Variants in EXOC4 observed in about 807,000 individuals in gnomAD.
The protein encoded by EXOC4 is exocyst complex component 4.
EXOC4 carries 71 observed loss-of-function variants against 107.2 expected under a neutral mutation model. That is an observed-to-expected ratio of 0.66 (90% CI 0.55 to 0.81). The LOEUF (loss-of-function observed/expected upper bound fraction) is 0.81, where lower values mean the gene tolerates loss of function less well. Among genes scored for constraint, EXOC4 ranks in the 30% least tolerant of loss-of-function variants. The pLI, the probability that EXOC4 is intolerant of heterozygous loss-of-function variation, is 0.00. For synonymous variants in EXOC4, 456 were observed against 441.2 expected (o/e 1.03, Z -0.42); for missense variants, 1,108 against 1,189.6 (o/e 0.93, Z 1.01).
intron 9 of EXOC4, among the ~76,000 whole-genome samples, chr7:133,489,230 A>G (rs1471456939): frequency 6.6e-6 from 1 of 151,978 alleles, no homozygotes; most frequent in Non-Finnish European, 1.5e-5. Context: ...TGGGGATTCA[A>G]AGATCCTAGT....
chr7:133,369,867 C>T (rs1446573357), intron 6 of EXOC4, among the ~76,000 whole-genome samples: 7 of 63,290 alleles, frequency 1.1e-4, no homozygotes, highest in Admixed American at 1.6e-4. Context: ...AGTGCAATGG[C>T]GCAATTTGGC....
chr7:133,350,210 T>G (rs1795876804), intron 5 of EXOC4, among the ~76,000 whole-genome samples: 1 of 152,082 alleles, frequency 6.6e-6, no homozygotes, highest in Non-Finnish European at 1.5e-5. Flanking sequence ...CTTTTATTGC[T>G]TGTGTTTTTG....
chr7:133,903,821 T>C (rs1799508136), intron 12 of EXOC4, among the ~76,000 whole-genome samples: 1 of 152,194 alleles, frequency 6.6e-6, no homozygotes, highest in Non-Finnish European at 1.5e-5. Flanking sequence ...CATGGACTTT[T>C]ATGAAGTTTG....
chr7:133,333,659 A>G (rs1489040475), intron 5 of EXOC4, among the ~76,000 whole-genome samples: 1 of 152,218 alleles, frequency 6.6e-6, no homozygotes, highest in Non-Finnish European at 1.5e-5. Flanking sequence ...GTATTTCTAC[A>G]TAGATCTGTA....
chr7:134,048,540 C>T (rs1028462035), intron 17 of EXOC4, among the ~76,000 whole-genome samples: 2 of 152,178 alleles, frequency 1.3e-5, no homozygotes, highest in Non-Finnish European at 2.9e-5. Context: ...CAGTTTCAGT[C>T]CCCCTCCCTC....
At chr7:134,029,466 T>C (rs919848087) in intron 17 of EXOC4, among the ~76,000 whole-genome samples, 10 of 152,020 alleles carry the variant, frequency 6.6e-5, no homozygotes, top group African/African-American at 2.4e-4. Context: ...CTAAAGGATA[T>C]AGGGTTTCTT....
chr7:133,538,046 A>G (rs1047161742), intron 9 of EXOC4, among the ~76,000 whole-genome samples: 1 of 152,060 alleles, frequency 6.6e-6, no homozygotes, highest in Non-Finnish European at 1.5e-5. Flanking sequence ...CCATAAGAGT[A>G]TTTTTATTTT....
chr7:133,868,558 T>G (rs1449855596), intron 11 of EXOC4, among the ~76,000 whole-genome samples: 2 of 152,200 alleles, frequency 1.3e-5, no homozygotes, highest in Non-Finnish European at 2.9e-5. Flanking sequence ...TGACTACTTC[T>G]TAAATAGACT....
At chr7:133,769,288 T>C (rs764806488) in intron 10 of EXOC4, among the ~76,000 whole-genome samples, 6 of 151,918 alleles carry the variant, frequency 3.9e-5, no homozygotes, top group Non-Finnish European at 5.9e-5. Context: ...TTGTTTTTTT[T>C]TTAAGTGTTG....
rs1280453970 is a variant in EXOC4, at chr7:133,872,861, A to G, written c.1735-22738A>G. On this transcript the variant is annotated intron_variant, in intron 11 of 17. Transcript: ENST00000253861. ...TTATATTTTAAGAAATGCATACTTAATAGCCTAAAGATAAAATCATGATAA... is the reference window on the plus strand; with the variant it reads ...TTATATTTTAAGAAATGCATACTTAGTAGCCTAAAGATAAAATCATGATAA... Among the ~76,000 whole-genome samples, 4 of 152,376 alleles carry G rather than the reference A, an allele frequency of 2.6e-5. No homozygotes were observed. In the East Asian group the frequency reaches 7.7e-4, roughly 29 times the overall value.
chr7:133,383,688 T>C (rs529460120), intron 7 of EXOC4, among the ~76,000 whole-genome samples: 1 of 152,318 alleles, frequency 6.6e-6, no homozygotes, highest in East Asian at 1.9e-4. Flanking sequence ...TCTTAGGTTC[T>C]GTCGACTTTG....
At chr7:133,537,301 C>CCA (rs1563100530) in intron 9 of EXOC4, among the ~76,000 whole-genome samples, 1 of 148,772 alleles carries the variant, frequency 6.7e-6, no homozygotes, top group Non-Finnish European at 1.5e-5. Context: ...CAGGCACCCC[C>CCA]CCCCCCACCA....
chr7:133,854,812 TA>T lies in EXOC4; in HGVS notation c.1734+37279del, dbSNP rs879480850. 3.8e-3 allele frequency among the ~76,000 whole-genome samples: 522 copies of T among 136,310 alleles called. 2 individuals carry two copies. The highest frequency in any genetic ancestry group is 8.5e-3 in the African/African-American group (313 of 36,804). 89.4% of individuals were successfully genotyped at this position (136,310 alleles called of 152,430 possible). On this transcript the variant is annotated intron_variant, in intron 11 of 17. Coordinates refer to ENST00000253861, the MANE Select transcript of EXOC4 (RefSeq NM_021807.4). Reference sequence around the variant, plus strand: ...CTTTTCCTTATTCCCTAGAAGCCAATAAAAAAAAAAACTTGCCTGTTGGCAT... The same window carrying T: ...CTTTTCCTTATTCCCTAGAAGCCAATAAAAAAAAAACTTGCCTGTTGGCAT...
chr7:133,487,821 C>T (rs1412398117), intron 9 of EXOC4, among the ~76,000 whole-genome samples: 4 of 152,120 alleles, frequency 2.6e-5, no homozygotes, highest in African/African-American at 9.7e-5. Flanking sequence ...ACTTATATCT[C>T]ATATTTTCAA....
chr7:133,596,817 T>C (rs1801685929), intron 9 of EXOC4, among the ~76,000 whole-genome samples: 1 of 152,196 alleles, frequency 6.6e-6, no homozygotes, highest in African/African-American at 2.4e-5. Context: ...CTCTCCTTTA[T>C]AAAGCAAGTG....
chr7:133,841,081 A>G (rs1006936697), intron 11 of EXOC4, among the ~76,000 whole-genome samples: 3 of 152,152 alleles, frequency 2.0e-5, no homozygotes, highest in African/African-American at 4.8e-5. Flanking sequence ...AAGTGCTGGC[A>G]GATTTGGTGT....
At chr7:133,539,444 C>T (rs1800338584) in intron 9 of EXOC4, among the ~76,000 whole-genome samples, 1 of 152,140 alleles carries the variant, frequency 6.6e-6, no homozygotes, top group Admixed American at 6.6e-5. Context: ...TTAAATTCAA[C>T]TCAAATTATT....
At chr7:133,280,720 T>G (rs1397186623) in intron 2 of EXOC4, among the ~76,000 whole-genome samples, 1 of 152,210 alleles carries the variant, frequency 6.6e-6, no homozygotes, top group Non-Finnish European at 1.5e-5. Context: ...CATTATTTGG[T>G]AGATACCTAA....
At chr7:133,536,722 G>T (rs1239667290) in intron 9 of EXOC4, among the ~76,000 whole-genome samples, 1 of 151,940 alleles carries the variant, frequency 6.6e-6, no homozygotes, top group East Asian at 1.9e-4. Context: ...GTCAAGTGCT[G>T]GTGTGGGGAC....
Sources: gnomAD v4.1 joint callset for allele counts (sites outside exome capture counted in the v4.1 genomes callset) on GRCh38, gnomAD v4.1.1 for gene constraint, MANE v1.5 for transcripts, NCBI Gene and HGNC (gene_info 2026-07-23, HGNC 2026-07-21) for gene names.